Variants in SORT1 observed in about 807,000 individuals in gnomAD.
The protein encoded by SORT1 is sortilin.
Under a neutral mutation model 101.7 loss-of-function variants are expected in SORT1, and 39 were observed. The ratio of observed to expected loss-of-function variants is 0.38; its 90% CI spans 0.30 to 0.50. The LOEUF (loss-of-function observed/expected upper bound fraction) is 0.50, where lower values mean the gene tolerates loss of function less well. Among genes scored for constraint, SORT1 ranks in the 20% least tolerant of loss-of-function variants. SORT1 has a pLI of 0.90. For synonymous variants in SORT1, 396 were observed against 393.7 expected (o/e 1.01, Z -0.07); for missense variants, 878 against 1,040.4 (o/e 0.84, Z 2.15).
chr1:109,397,599 G>A lies in SORT1; in HGVS notation c.294C>T (p.Asn98=), dbSNP rs1160290074. ...RVRDFVAKLA[N]NTHQHVFDDL... ...GGCGCCCGCTCACCTGGTGCGTGTT[G>A]TTGGCCAGCTTGGCGACGAAGTCCC... is the stretch of plus-strand genomic sequence containing the variant. The change falls in exon 1 of 20, where the codon AAC becomes AAT. Residue 98 remains asparagine (N), a synonymous_variant. Coordinates refer to ENST00000256637, the MANE Select transcript of SORT1 (RefSeq NM_002959.7). 4 of 1,273,684 alleles carry A rather than the reference G, an allele frequency of 3.1e-6. No individual in the cohort carries two copies. Among genetic ancestry groups the A allele is most frequent in the Non-Finnish European group, 3.0e-6 (3 of 996,784 alleles). 78.9% of individuals were successfully genotyped at this position (1,273,684 alleles called of 1,614,324 possible).
At chr1:109,388,669 G>T (rs1476802106) in intron 1 of SORT1, among the ~76,000 whole-genome samples, 1 of 152,192 alleles carries the variant, frequency 6.6e-6, no homozygotes, top group African/African-American at 2.4e-5. Flanking sequence ...TAATGTGTCA[G>T]AAGCTTTGTA....
intron 15 of SORT1, among the ~76,000 whole-genome samples, chr1:109,321,858 C>G (rs1188606459): frequency 1.3e-5 from 2 of 152,172 alleles, no homozygotes; most frequent in Admixed American, 6.5e-5. Flanking sequence ...TCCAGGGACT[C>G]ATGCCCTTAT....
At chr1:109,345,617 AC>A in intron 8 of SORT1, 133 bp downstream of exon 8, 2 of 748,244 alleles carry the variant, frequency 2.7e-6, no homozygotes, top group Non-Finnish European at 4.2e-6. Flanking sequence ...AAAAAGAATC[AC>A]CCCTAACACT....
intron 1 of SORT1, among the ~76,000 whole-genome samples, chr1:109,383,255 T>C (rs181629263): frequency 4.5e-4 from 69 of 152,292 alleles, no homozygotes; most frequent in South Asian, 1.0e-3. Flanking sequence ...AGCAGCCTTT[T>C]TGACAAGCAA....
chr1:109,393,193 C>A, intron 1 of SORT1: 1 of 985,454 alleles, frequency 1.0e-6, no homozygotes, highest in Non-Finnish European at 1.2e-6. Flanking sequence ...AGAGCTGACA[C>A]CCCATACAAC....
At chr1:109,397,491 G>A in intron 1 of SORT1, 96 bp downstream of exon 1, 2 of 845,796 alleles carry the variant, frequency 2.4e-6, no homozygotes, top group Non-Finnish European at 2.9e-6. Flanking sequence ...CGGCAGGGCT[G>A]GGGTCTCCTC....
intron 16 of SORT1, among the ~76,000 whole-genome samples, 157 bp downstream of exon 16, chr1:109,317,696 T>C (rs1647322426): frequency 6.6e-6 from 1 of 152,186 alleles, no homozygotes; most frequent in Admixed American, 6.5e-5. Context: ...CCTCCTGTAG[T>C]TGACCCTTGA....
chr1:109,314,537 A>G (rs1307427111), intron 18 of SORT1, 135 bp downstream of exon 18: 2 of 1,171,214 alleles, frequency 1.7e-6, no homozygotes, highest in Non-Finnish European at 2.4e-6. Context: ...GTACGACATG[A>G]GAAGATTTGG....
At chr1:109,328,028 T>A (rs1292698277) in intron 11 of SORT1, among the ~76,000 whole-genome samples, 1 of 152,240 alleles carries the variant, frequency 6.6e-6, no homozygotes, top group Non-Finnish European at 1.5e-5. Flanking sequence ...CTCATCCATG[T>A]TGTATTAATA....
rs932621082 is a variant in SORT1, at chr1:109,310,727, T to C, written c.*3316A>G. 3.9e-5 allele frequency: 6 copies of C among 152,592 alleles called. No individual in the cohort carries two copies. The highest frequency in any genetic ancestry group is 3.9e-4 in the Admixed American group (6 of 15,284). 9.5% of individuals were successfully genotyped at this position (152,592 alleles called of 1,614,324 possible). A position where few individuals can be genotyped will look rare whatever the true frequency, so the allele number is the denominator to read the frequency against. ...CTGCTCAAAGGAAAGAGGGAATCTC[T>C]ATCTGGATGGTTGGCCTGGAAACTA... On this transcript the variant is annotated 3_prime_UTR_variant, in exon 20 of 20. Transcript: ENST00000256637.
chr1:109,362,520 C>T (rs1650790657), intron 3 of SORT1, among the ~76,000 whole-genome samples: 1 of 151,848 alleles, frequency 6.6e-6, no homozygotes, highest in South Asian at 2.1e-4. Context: ...TGTCTTTTTC[C>T]CCCACTGTCT....
At chr1:109,397,560 C>T in intron 1 of SORT1, 27 bp downstream of exon 1, 2 of 1,155,152 alleles carry the variant, frequency 1.7e-6, no homozygotes, top group Non-Finnish European at 2.1e-6. Context: ...CGCACCCGAG[C>T]GGCTCCCGGG....
chr1:109,397,450 T>C, intron 1 of SORT1, 137 bp downstream of exon 1: 1 of 488,358 alleles, frequency 2.0e-6, no homozygotes, highest in Non-Finnish European at 2.7e-6. Context: ...CCCGCCGCAG[T>C]TTCGGGGCTG....
intron 11 of SORT1, among the ~76,000 whole-genome samples, chr1:109,331,099 C>T (rs1460024173): frequency 2.6e-5 from 4 of 152,136 alleles, no homozygotes; most frequent in Admixed American, 2.0e-4. Context: ...GAGAATGGAA[C>T]ACTTCCAAAC....
chr1:109,363,439 A>G (rs937550727), intron 3 of SORT1, among the ~76,000 whole-genome samples: 3 of 152,176 alleles, frequency 2.0e-5, no homozygotes, highest in African/African-American at 4.8e-5. Context: ...AAATATGCAT[A>G]TGTGTGTGTA....
chr1:109,397,882 G>C lies in SORT1; in HGVS notation c.11C>G (p.Pro4Arg), dbSNP rs1308812324. 2.5e-6 allele frequency: 3 copies of C among 1,184,118 alleles called. No individual in the cohort carries two copies. The highest frequency in any genetic ancestry group is 3.1e-6 in the Non-Finnish European group (3 of 956,310). The allele number at this position is 1,184,118 out of a possible 1,614,324, so 73.4% of individuals were successfully genotyped here. Reference sequence around the variant, plus strand: ...CGAGAGGCCGTCCGCAGCTCCCCAGGGCCGCTCCATCGCCGCCGAATGCCG... The same window carrying C: ...CGAGAGGCCGTCCGCAGCTCCCCAGCGCCGCTCCATCGCCGCCGAATGCCG... MERPWGAADGLSRW... is the reference protein window; with the variant it reads MERRWGAADGLSRW... Residue 4 changes from proline (P) to arginine (R), a missense_variant, in exon 1 of 20, where the codon CCC (proline) becomes CGC (arginine). Around this residue, in one of 2 missense-constraint regions of SORT1, gnomAD observed 194 missense variants for 145.9 expected, o/e 1.33. Transcript: ENST00000256637.
rs1651346971 is a variant in SORT1 at position 109,369,590 on chromosome 1, C to T, written c.307-1G>A. The T allele has an allele frequency of 1.2e-6, 2 of 1,600,978 alleles. No homozygotes were observed. Among genetic ancestry groups the T allele is most frequent in the Non-Finnish European group, 1.7e-6 (2 of 1,168,618 alleles). On this transcript the variant is annotated splice_acceptor_variant, in intron 1 of 19. Transcript: ENST00000256637. LOFTEE classifies it high-confidence loss of function. ...AGCCTCTGAGATCATCAAACACATG[C>T]TATAAGGGGAAAAAAAATTAATTTA...
chr1:109,325,036 G>C lies in SORT1; in HGVS notation c.1697C>G (p.Pro566Arg), dbSNP rs749276187. 2.5e-6 allele frequency: 4 copies of C among 1,613,584 alleles called. No homozygotes were observed. In the South Asian group the frequency reaches 4.4e-5, roughly 18 times the overall value. Residue 566 changes from proline to arginine, a missense_variant, in exon 14 of 20, where the codon CCC becomes CGC. Pro to Arg is a moderately radical substitution (Grantham distance 103). This residue lies in a region of SORT1 where 684 missense variants were observed against 894.5 expected (regional missense o/e 0.76). Coordinates refer to ENST00000256637, the MANE Select transcript of SORT1 (RefSeq NM_002959.7). ...CWQTYTFTRD[P>R]IYFTGLASEP... ...TGAAGCTAGGCCAGTGAAATAGATG[G>C]GGTCCCTGGTGAACGTGTAGGTTTG...
chr1:109,354,398 T>C lies in SORT1; in HGVS notation c.677A>G (p.Asn226Ser). 1 of 1,613,752 alleles carries C rather than the reference T, an allele frequency of 6.2e-7. No individual in the cohort carries two copies. The highest frequency in any genetic ancestry group is 8.5e-7 in the Non-Finnish European group (1 of 1,179,774). The part of the protein sequence containing the change: ...PLTQMMYSPQ[N>S]SDYLLALSTE... ...GCTGAGAGCTAAAAGATAATCAGAA[T>C]TCTGAGGGCTATACATCATCTGAGT... Residue 226 changes from asparagine (N) to serine (S), a missense_variant, in exon 5 of 20, where the codon AAT becomes AGT. Asn to Ser is a conservative substitution (Grantham distance 46). Around this residue, in one of 2 missense-constraint regions of SORT1, gnomAD observed 684 missense variants for 894.5 expected, o/e 0.76. Coordinates refer to ENST00000256637, the MANE Select transcript of SORT1 (RefSeq NM_002959.7).
Sources: allele counts gnomAD v4.1 joint callset (sites outside exome capture counted in the v4.1 genomes callset), GRCh38; gene constraint gnomAD v4.1.1; regional missense constraint gnomAD v4.1.1; transcripts MANE v1.5; gene names NCBI Gene and HGNC (gene_info 2026-07-23, HGNC 2026-07-21).